TJP1: variants seen among roughly 807,000 people sequenced by gnomAD.
The protein encoded by TJP1 is tight junction protein ZO-1.
Under a neutral mutation model 194.2 loss-of-function variants are expected in TJP1, and 43 were observed. The ratio of observed to expected loss-of-function variants is 0.22; its 90% confidence interval spans 0.17 to 0.29. The LOEUF (loss-of-function observed/expected upper bound fraction) is 0.29. TJP1 is among the 10% of genes least tolerant of loss of function. TJP1 has a pLI of 1.00. For missense variants in TJP1, 1,971 were observed against 2,185.7 expected, an observed-to-expected ratio of 0.90 and a Z score of 1.96; for synonymous variants, 801 against 779.0, an observed-to-expected ratio of 1.03 and a Z score of -0.47.
upstream of TJP1, chr15:29,822,543 A>AGGCGG (rs1187445011): frequency 1.3e-6 from 1 of 759,752 alleles, no homozygotes; most frequent in East Asian, 1.4e-4. Context: ...AGGCGAGGCG[A>AGGCGG]GGCGGGGAGG....
chr15:29,813,784 C>T (rs1213499027), intron 1 of TJP1, among the ~76,000 whole-genome samples: 1 of 152,148 alleles, frequency 6.6e-6, no homozygotes, highest in African/African-American at 2.4e-5. Context: ...GCTCTCTACC[C>T]GCACCATTAA....
intron 2 of TJP1, among the ~76,000 whole-genome samples, chr15:29,835,819 A>C (rs1013559489): frequency 2.6e-5 from 4 of 152,188 alleles, no homozygotes; most frequent in Non-Finnish European, 5.9e-5. Flanking sequence ...CATTTAGCAT[A>C]CTTTTCGGTC....
At chr15:29,767,448 C>A (rs1449528403) in intron 4 of TJP1, among the ~76,000 whole-genome samples, 2 of 152,188 alleles carry the variant, frequency 1.3e-5, no homozygotes, top group African/African-American at 4.8e-5. Context: ...ATCCTGGTTT[C>A]ACTCGCATTC....
Position 29,822,092 on chromosome 15 carries a change from C to A in TJP1, c.-64G>T. 8.1e-7 allele frequency: 1 copy of A among 1,240,936 alleles called. No individual in the cohort carries two copies. The allele number at this position is 1,240,936 out of a possible 1,614,324, so 76.9% of individuals were successfully genotyped here. A position where few individuals can be genotyped will look rare whatever the true frequency, so the allele number is the denominator to read the frequency against. On this transcript the variant is annotated 5_prime_UTR_variant, in exon 1 of 28. Transcript: ENST00000614355. ...CGAAACTCCGCGGCGCTGGCCCGCC[C>A]GCTCCTCACGCCACAGCCCAAATAA...
intron 1 of TJP1, among the ~76,000 whole-genome samples, chr15:29,967,502 G>C (rs1291303436): frequency 4.6e-5 from 7 of 152,176 alleles, no homozygotes; most frequent in Non-Finnish European, 1.0e-4. Flanking sequence ...CCATGAGGGA[G>C]ATAACAAGAT....
intron 1 of TJP1, among the ~76,000 whole-genome samples, chr15:29,803,558 T>A (rs1242459511): frequency 6.6e-6 from 1 of 152,156 alleles, no homozygotes; most frequent in African/African-American, 2.4e-5. Flanking sequence ...ATCAGGACAT[T>A]GTTCTAAGTG....
At chr15:29,774,313 A>T (rs1595849489) in intron 2 of TJP1, among the ~76,000 whole-genome samples, 1 of 151,902 alleles carries the variant, frequency 6.6e-6, no homozygotes, top group Non-Finnish European at 1.5e-5. Flanking sequence ...AAGTAGCAAA[A>T]GAAAAAAAAA....
intron 1 of TJP1, among the ~76,000 whole-genome samples, chr15:29,819,579 A>G (rs1315987050): frequency 1.3e-5 from 2 of 152,226 alleles, no homozygotes; most frequent in Admixed American, 6.5e-5. Context: ...TGAATTTCTA[A>G]CAAGTTTCCT....
intron 27 of TJP1, among the ~76,000 whole-genome samples, chr15:29,703,705 C>T (rs555605993): frequency 3.6e-4 from 54 of 152,054 alleles, no homozygotes; most frequent in African/African-American, 7.9e-4. Context: ...TGCAGTGGCA[C>T]GATCTTGGCT....
chr15:29,949,426 AACCACCACCTCCACCTCCACCTTC>A (rs2055467281), intron 2 of TJP1, among the ~76,000 whole-genome samples: 1 of 60,964 alleles, frequency 1.6e-5, no homozygotes, highest in African/African-American at 6.3e-5. Flanking sequence ...CTACCTCCAC[AACCACCACCTCCACCTCCACCTTC>A]ACCACCACTT....
Position 29,907,638 on chromosome 15 carries a change from G to A in TJP1, c.306+48594C>T, listed in dbSNP as rs143609106. Reference sequence around the variant, plus strand: ...CATTTAAAAGCAATAACAAATGCAAGGGTCTAAGAAACCTAAGAACATTAA... The same window carrying A: ...CATTTAAAAGCAATAACAAATGCAAAGGTCTAAGAAACCTAAGAACATTAA... On this transcript the variant is annotated intron_variant, in intron 2 of 28. Coordinates refer to the TJP1 transcript ENST00000356107. 2.0e-3 allele frequency among the ~76,000 whole-genome samples: 310 copies of A among 152,182 alleles called. 4 individuals carry two copies. Among genetic ancestry groups the A allele is most frequent in the African/African-American group, 7.2e-3 (297 of 41,530 alleles).
intron 2 of TJP1, among the ~76,000 whole-genome samples, chr15:29,900,648 T>C (rs1041849253): frequency 3.9e-5 from 6 of 152,204 alleles, no homozygotes; most frequent in Non-Finnish European, 7.3e-5. Context: ...ATAAACTGCA[T>C]ACAAACTTGT....
intron 2 of TJP1, among the ~76,000 whole-genome samples, chr15:29,885,684 C>T (rs2053093176): frequency 6.6e-6 from 1 of 152,158 alleles, no homozygotes; most frequent in African/African-American, 2.4e-5. Flanking sequence ...AATTGCCAAC[C>T]TTTTATTTGG....
In TJP1 at chr15:29,732,699, C is replaced by G. The variant is rs1330747089; in HGVS notation, c.1853G>C (p.Arg618Thr). The change falls in exon 14 of 28, where the codon AGA (arginine) becomes ACA (threonine). Residue 618 changes from arginine to threonine, a missense_variant. By Grantham distance (71) the Arg-to-Thr change is moderately conservative. Transcript: ENST00000614355. ...RSSKRNLRKS[R>T]EDLSAQPVQT... is the part of the protein sequence containing the mutation. ...AACAGGCTGAGCGGACAAATCCTCT[C>G]TGCTTTTTCGAAGATTTCTCTTGGA... 7 of 1,614,104 alleles carry G rather than the reference C, an allele frequency of 4.3e-6. No homozygotes were observed. Among genetic ancestry groups the G allele is most frequent in the African/African-American group, 1.3e-5 (1 of 74,930 alleles).
intron 1 of TJP1, among the ~76,000 whole-genome samples, chr15:29,964,514 C>T (rs866081997): frequency 6.6e-6 from 1 of 152,060 alleles, no homozygotes; most frequent in Admixed American, 6.6e-5. Context: ...AAAGAATGTT[C>T]GAAAGAGGCA....
intron 2 of TJP1, among the ~76,000 whole-genome samples, chr15:29,904,141 G>A (rs867633956): frequency 5.9e-4 from 90 of 152,156 alleles, no homozygotes; most frequent in African/African-American, 1.8e-3. Context: ...CAAAGTGGTA[G>A]CAAAAGGGTG....
intron 2 of TJP1, among the ~76,000 whole-genome samples, chr15:29,850,790 C>G (rs1054874428): frequency 6.6e-6 from 1 of 151,058 alleles, no homozygotes; most frequent in Non-Finnish European, 1.5e-5. Flanking sequence ...GAGACCAGCC[C>G]GGGGGGTAAC....
chr15:29,950,754 G>A (rs1052433113), intron 2 of TJP1, among the ~76,000 whole-genome samples: 12 of 152,138 alleles, frequency 7.9e-5, no homozygotes, highest in Non-Finnish European at 5.9e-5. Flanking sequence ...CCAGCCAGGC[G>A]CCCATGGTGG....
At chr15:29,811,308 G>A (rs893824121) in intron 1 of TJP1, among the ~76,000 whole-genome samples, 1 of 151,844 alleles carries the variant, frequency 6.6e-6, no homozygotes, top group African/African-American at 2.4e-5. Flanking sequence ...GGAGAGCGGA[G>A]AGAAACTAAT....
Sources: gnomAD v4.1 joint callset for allele counts (sites outside exome capture counted in the v4.1 genomes callset) on GRCh38, gnomAD v4.1.1 for gene constraint, MANE v1.5 for transcripts, NCBI Gene and HGNC (gene_info 2026-07-23, HGNC 2026-07-21) for gene names.